The following SLC2A10 variants were observed in gnomAD, a reference collection of about 807,000 sequenced individuals.
SLC2A10 encodes solute carrier family 2 member 10, also known as solute carrier family 2, facilitated glucose transporter member 10.
SLC2A10 carries 25 observed loss-of-function variants against 32.1 expected under a neutral mutation model. The observed-to-expected ratio is 0.78, with a 90% CI of 0.57 to 1.09. The LOEUF (loss-of-function observed/expected upper bound fraction) is 1.09, where lower values mean the gene tolerates loss of function less well. Among genes scored for constraint, SLC2A10 ranks in the 50% least tolerant of loss-of-function variants. SLC2A10 has a pLI of 0.00. For missense variants in SLC2A10, 673 were observed against 686.5 expected (o/e 0.98, Z 0.22); for synonymous variants, 332 against 309.6 (o/e 1.07, Z -0.76).
intron 1 of SLC2A10, among the ~76,000 whole-genome samples, chr20:46,712,350 G>C (rs970322765): frequency 6.6e-6 from 1 of 152,198 alleles, no homozygotes; most frequent in Non-Finnish European, 1.5e-5. Flanking sequence ...CACTACTCTA[G>C]TGTCACCAAC....
In SLC2A10 at chr20:46,734,301, T is replaced by A. The variant is rs1393966761; in HGVS notation, c.*467T>A. Reference sequence around the variant, plus strand: ...TCTTTTTTTACTCTTATCATTTTTTTTTTTTGAGGTGGAGTCTCATTCTGT... The same window carrying A: ...TCTTTTTTTACTCTTATCATTTTTTATTTTTGAGGTGGAGTCTCATTCTGT... On this transcript the variant is annotated 3_prime_UTR_variant, in exon 5 of 5. Coordinates refer to ENST00000359271, the MANE Select transcript of SLC2A10 (RefSeq NM_030777.4). 1 of 214,334 alleles carries A rather than the reference T, an allele frequency of 4.7e-6. No individual in the cohort carries two copies. Among genetic ancestry groups the A allele is most frequent in the African/African-American group, 2.4e-5 (1 of 42,384 alleles). The allele number at this position is 214,334 out of a possible 1,614,324, so 13.3% of individuals were successfully genotyped here. A position where few individuals can be genotyped will look rare whatever the true frequency, so the allele number is the denominator to read the frequency against.
chr20:46,713,639 G>A (rs529172336), intron 1 of SLC2A10, among the ~76,000 whole-genome samples: 6 of 152,298 alleles, frequency 3.9e-5, no homozygotes, highest in East Asian at 1.9e-4. Flanking sequence ...GAAGAGTGAC[G>A]AGGCCTGACT....
chr20:46,733,514 T>C (rs900246125), intron 4 of SLC2A10, among the ~76,000 whole-genome samples: 2 of 152,100 alleles, frequency 1.3e-5, no homozygotes, highest in East Asian at 1.9e-4. Flanking sequence ...AGGAAGGTCA[T>C]TGTAGATGCA....
In SLC2A10 at chr20:46,727,770, C is replaced by T. The variant is rs1035793444; in HGVS notation, c.1411+784C>T. ...TGCTGAGATGCTCATGGCTCCAGGC[C>T]CTGGTCTTCAGTGGGTATTGCTCAT... is the stretch of plus-strand genomic sequence containing the variant. On this transcript the variant is annotated intron_variant, in intron 3 of 4. Coordinates refer to ENST00000359271, the MANE Select transcript of SLC2A10 (RefSeq NM_030777.4). 2.6e-5 allele frequency among the ~76,000 whole-genome samples: 4 copies of T among 152,264 alleles called. No individual in the cohort carries two copies. The East Asian group carries it at 7.7e-4, about 29-fold the overall frequency.
chr20:46,730,506 A>G (rs1980239553), intron 4 of SLC2A10, among the ~76,000 whole-genome samples: 1 of 152,114 alleles, frequency 6.6e-6, no homozygotes, highest in South Asian at 2.1e-4. Context: ...AGTTAGTGAG[A>G]AGGAGGCACC....
At chr20:46,715,204 A>G (rs1460723117) in intron 1 of SLC2A10, among the ~76,000 whole-genome samples, 1 of 151,786 alleles carries the variant, frequency 6.6e-6, no homozygotes, top group Non-Finnish European at 1.5e-5. Flanking sequence ...TCCATACATG[A>G]TAGCTGTTAT....
intron 4 of SLC2A10, among the ~76,000 whole-genome samples, chr20:46,730,029 T>C (rs1980214077): frequency 6.6e-6 from 1 of 152,164 alleles, no homozygotes; most frequent in African/African-American, 2.4e-5. Flanking sequence ...ACCCAGCTCA[T>C]GGGGATTTAA....
rs757579412 is a variant in SLC2A10 at position 46,709,733 on chromosome 20, C to T, written c.-4C>T. ...CCCCAGCACGCCGCCGAGTCCCGCT[C>T]GCCATGGGTAAGTCCCGATCGGGCG... On this transcript the variant is annotated 5_prime_UTR_variant, in exon 1 of 5. Coordinates refer to ENST00000359271, the MANE Select transcript of SLC2A10 (RefSeq NM_030777.4). 9.1e-6 allele frequency: 14 copies of T among 1,546,646 alleles called. No individual in the cohort carries two copies. Among genetic ancestry groups the T allele is most frequent in the South Asian group, 1.2e-5 (1 of 83,822 alleles).
In SLC2A10 at chr20:46,725,717, C is replaced by T. The variant is rs201625851; in HGVS notation, c.681C>T (p.Asn227=). 7 of 1,614,058 alleles carry T rather than the reference C, an allele frequency of 4.3e-6. No individual in the cohort carries two copies. Among genetic ancestry groups the T allele is most frequent in the South Asian group, 1.1e-5 (1 of 91,092 alleles). ...SFLDLFRARD[N]MRGRTTVGLG... is the part of the protein sequence containing the mutation. ...TGGACCTCTTCAGGGCACGCGATAA[C>T]ATGCGAGGCCGGACCACAGTGGGCC... The change falls in exon 2 of 5, where the codon AAC becomes AAT. Residue 227 remains asparagine, a synonymous_variant. Transcript: ENST00000359271.
chr20:46,728,112 GAGGA>G (rs1028318131), intron 3 of SLC2A10, among the ~76,000 whole-genome samples: 4 of 152,074 alleles, frequency 2.6e-5, no homozygotes, highest in Non-Finnish European at 4.4e-5. Context: ...GGGAGGGAGG[GAGGA>G]AGGAAGGAAG....
chr20:46,709,491 G>T, upstream of SLC2A10: 1 of 454,238 alleles, frequency 2.2e-6, no homozygotes, highest in Non-Finnish European at 3.8e-6. Context: ...GGCGAGGGAG[G>T]GGGTCCTTGC....
At position 46,725,914 on chromosome 20, in the gene SLC2A10, G is replaced by A. The variant is rs770882223; in HGVS notation, c.878G>A (p.Arg293His). 61 of 1,613,936 alleles carry A rather than the reference G, an allele frequency of 3.8e-5. No individual in the cohort carries two copies. In the Middle Eastern group the frequency reaches 1.6e-3, roughly 44 times the overall value. ...CTGACCGCCATGGGGCTGGTGGACC[G>A]TGCAGGCCGCAGGGCTCTGTTGCTA... The part of the protein sequence containing the change: ...ATLTAMGLVD[R>H]AGRRALLLAG... The change falls in exon 2 of 5, where the codon CGT becomes CAT. Residue 293 changes from arginine to histidine, a missense_variant. By Grantham distance (29) the Arg-to-His change is conservative (BLOSUM62 0). Transcript: ENST00000359271.
chr20:46,711,603 G>A (rs1435923809), intron 1 of SLC2A10, among the ~76,000 whole-genome samples: 1 of 152,206 alleles, frequency 6.6e-6, no homozygotes, highest in Admixed American at 6.5e-5. Flanking sequence ...ACAGCCATTT[G>A]CTGAGTGCCT....
chr20:46,724,105 T>G lies in SLC2A10; in HGVS notation c.5-936T>G, dbSNP rs190351215. On this transcript the variant is annotated intron_variant, in intron 1 of 4. Coordinates refer to ENST00000359271, the MANE Select transcript of SLC2A10 (RefSeq NM_030777.4). ...ATGTCACTCAAATCTCTGCTCAAAT[T>G]TTTGCTCTTCAGAGAGGCCTTAAAA... Among the ~76,000 whole-genome samples the G allele has an allele frequency of 5.9e-5, 9 of 152,320 alleles. 1 individual carries two copies. The highest frequency in any genetic ancestry group is 1.9e-4 in the African/African-American group (8 of 41,574).
upstream of SLC2A10, among the ~76,000 whole-genome samples, chr20:46,709,174 A>C (rs1978753888): frequency 6.6e-6 from 1 of 152,088 alleles, no homozygotes; most frequent in Non-Finnish European, 1.5e-5. Context: ...TGGTGTCCAA[A>C]CCCAAGCGTG....
chr20:46,729,249 A>C, intron 3 of SLC2A10, 104 bp from the exon 4 acceptor site: 1 of 1,437,032 alleles, frequency 7.0e-7, no homozygotes, highest in Admixed American at 1.7e-5. Context: ...ATTTGCTTTG[A>C]GTGAACTGAC....
In SLC2A10 at chr20:46,734,031, C is replaced by A. The variant is rs1814949620; in HGVS notation, c.*197C>A. The A allele has an allele frequency of 4.1e-5, 26 of 638,134 alleles. No individual in the cohort carries two copies. In the South Asian group the frequency reaches 4.4e-4, roughly 11 times the overall value. The allele number at this position is 638,134 out of a possible 1,614,324, so 39.5% of individuals were successfully genotyped here. ...AACTCTTCATTTTGAGTCTCAGGCC[C>A]TGAAGGTTCCTGAGGATCTAGCTTC... On this transcript the variant is annotated 3_prime_UTR_variant, in exon 5 of 5. Transcript: ENST00000359271.
chr20:46,712,484 A>G (rs1978973707), intron 1 of SLC2A10, among the ~76,000 whole-genome samples: 1 of 152,126 alleles, frequency 6.6e-6, no homozygotes, highest in African/African-American at 2.4e-5. Context: ...TTAGAGGATT[A>G]AGGGATTTCC....
chr20:46,715,336 C>T (rs149036891), intron 1 of SLC2A10, among the ~76,000 whole-genome samples: 1 of 152,308 alleles, frequency 6.6e-6, no homozygotes, highest in Non-Finnish European at 1.5e-5. Context: ...TGGGTGGAAG[C>T]TGTGAGCCCT....
Sources: gnomAD v4.1 joint callset for allele counts (sites outside exome capture counted in the v4.1 genomes callset) on GRCh38, gnomAD v4.1.1 for gene constraint, MANE v1.5 for transcripts, NCBI Gene and HGNC (gene_info 2026-07-23, HGNC 2026-07-21) for gene names.